The following LRRC2 variants were observed in gnomAD, a reference collection of about 807,000 sequenced individuals.
LRRC2 encodes the protein leucine rich repeat containing 2.
LRRC2 carries 27 observed loss-of-function variants against 40.2 expected under a neutral mutation model. The ratio of observed to expected loss-of-function variants is 0.67; its 90% CI spans 0.49 to 0.93. The LOEUF is 0.93. LRRC2 is among the 40% of genes least tolerant of loss of function. The pLI, the probability that LRRC2 is intolerant of heterozygous loss-of-function variation, is 0.00. For missense variants in LRRC2, 402 were observed against 439.6 expected (o/e 0.91, Z 0.76); for synonymous variants, 147 against 158.9 (o/e 0.92, Z 0.56).
At chr3:46,539,866 T>C (rs897052169) in intron 3 of LRRC2, among the ~76,000 whole-genome samples, 15 of 152,194 alleles carry the variant, frequency 9.9e-5, no homozygotes, top group African/African-American at 3.6e-4. Context: ...TTAAGGAGGC[T>C]ATTTGTCCAG....
chr3:46,519,932 AAGTGT>A (rs1703936318), intron 8 of LRRC2, among the ~76,000 whole-genome samples: 1 of 152,212 alleles, frequency 6.6e-6, no homozygotes, highest in Non-Finnish European at 1.5e-5. Context: ...AAACATTAAA[AAGTGT>A]CATTTCTGTA....
intron 8 of LRRC2, among the ~76,000 whole-genome samples, chr3:46,519,650 G>A (rs1243920383): frequency 1.3e-5 from 2 of 152,220 alleles, no homozygotes; most frequent in African/African-American, 4.8e-5. Flanking sequence ...GGTCAGAAGT[G>A]TACTTTCTCA....
chr3:46,545,771 CCTAT>C (rs762090122), intron 2 of LRRC2, among the ~76,000 whole-genome samples: 2 of 152,196 alleles, frequency 1.3e-5, no homozygotes, highest in Non-Finnish European at 2.9e-5. Context: ...AATTTTCTGA[CCTAT>C]CTTTTAGAGC....
intron 1 of LRRC2, among the ~76,000 whole-genome samples, chr3:46,562,977 C>A (rs1443260850): frequency 6.6e-6 from 1 of 152,090 alleles, no homozygotes; most frequent in Non-Finnish European, 1.5e-5. Flanking sequence ...CTGCCCGCCT[C>A]GGCATCCCAA....
At chr3:46,524,580 A>G (rs1249895586) in intron 7 of LRRC2, among the ~76,000 whole-genome samples, 1 of 152,146 alleles carries the variant, frequency 6.6e-6, no homozygotes, top group Non-Finnish European at 1.5e-5. Flanking sequence ...TTCATCAATG[A>G]CTGCTATTCT....
rs149845556 is a variant in LRRC2, at chr3:46,528,919, C to T, written c.773+986G>A. On this transcript the variant is annotated intron_variant, in intron 6 of 8. Transcript: ENST00000395905. ...TTGAGTCCAGGAATTCAAGACCAGC[C>T]TGGGTAATATAGCAAGACCTTGTCT... 4.6e-3 allele frequency among the ~76,000 whole-genome samples: 697 copies of T among 152,022 alleles called. 10 individuals are homozygous for T. Among genetic ancestry groups the T allele is most frequent in the African/African-American group, 0.016 (646 of 41,468 alleles).
intron 8 of LRRC2, among the ~76,000 whole-genome samples, chr3:46,519,915 T>C (rs888305105): frequency 6.6e-6 from 1 of 152,148 alleles, no homozygotes; most frequent in Non-Finnish European, 1.5e-5. Flanking sequence ...TGACCATATC[T>C]AGGTCGAAAC....
rs1431926793 is a variant in LRRC2 at position 46,558,236 on chromosome 3, C to T, written c.-19-6626G>A. ...CCTCCAGTGCCTTCTACTGAGAAAGCACAGCACTGCGCTCACTTTAAAGGG... is the reference window on the plus strand; with the variant it reads ...CCTCCAGTGCCTTCTACTGAGAAAGTACAGCACTGCGCTCACTTTAAAGGG... On this transcript the variant is annotated intron_variant, in intron 1 of 8. Transcript: ENST00000395905. 4 of 152,366 alleles carry T rather than the reference C, an allele frequency of 2.6e-5. No homozygotes were observed. The East Asian group carries it at 5.8e-4, about 22-fold the overall frequency. The allele number at this position is 152,366 out of a possible 1,614,324, so 9.4% of individuals were successfully genotyped here.
At chr3:46,550,305 G>C (rs1056448852) in intron 2 of LRRC2, among the ~76,000 whole-genome samples, 2 of 151,302 alleles carry the variant, frequency 1.3e-5, no homozygotes, top group Non-Finnish European at 2.9e-5. Context: ...GATCAGAATA[G>C]GTATTTGTTT....
At chr3:46,523,726 CCCATCTATCCAT>C (rs1488980155) in intron 7 of LRRC2, among the ~76,000 whole-genome samples, 6 of 151,892 alleles carry the variant, frequency 4.0e-5, no homozygotes, top group Admixed American at 1.3e-4. Context: ...CATCCATCTA[CCCATCTATCCAT>C]CCATCTATCC....
intron 4 of LRRC2, among the ~76,000 whole-genome samples, chr3:46,536,024 C>A (rs1704263027): frequency 6.6e-6 from 1 of 152,188 alleles, no homozygotes; most frequent in Admixed American, 6.5e-5. Flanking sequence ...ATCCTAGAGT[C>A]CACCTCCGCC....
chr3:46,556,637 G>A (rs1350730195), intron 1 of LRRC2, among the ~76,000 whole-genome samples: 4 of 143,260 alleles, frequency 2.8e-5, no homozygotes, highest in African/African-American at 7.8e-5. Context: ...GGAGTGCAGC[G>A]GCGTGATCTC....
rs34382739 is a variant in LRRC2 at position 46,554,641 on chromosome 3, T to TAAAAAAA, written c.-19-3038_-19-3032dup. The stretch of plus-strand genomic sequence containing the variant: ...TGGGAGACAGAGCAAGACTCTGTCT[T>TAAAAAAA]AAAAAAAAAAAAAAAAGAAGAAGAA... On this transcript the variant is annotated intron_variant, in intron 1 of 8. Coordinates refer to ENST00000395905, the MANE Select transcript of LRRC2 (RefSeq NM_024512.5). Among the ~76,000 whole-genome samples the TAAAAAAA allele has an allele frequency of 1.6e-4, 22 of 137,356 alleles. 1 individual carries two copies. The highest frequency in any genetic ancestry group is 4.8e-4 in the South Asian group (2 of 4,152). 90.1% of individuals were successfully genotyped at this position (137,356 alleles called of 152,430 possible).
At chr3:46,551,751 C>CTTTTTT (rs748541390) in intron 1 of LRRC2, 141 bp from the exon 2 acceptor site, 4 of 138,944 alleles carry the variant, frequency 2.9e-5, no homozygotes, top group South Asian at 2.4e-4. Flanking sequence ...TGACAGTTTG[C>CTTTTTT]TTTTTTTTTT....
At chr3:46,521,371 T>C (rs1477897550) in intron 8 of LRRC2, 151 bp downstream of exon 8, 1 of 562,568 alleles carries the variant, frequency 1.8e-6, no homozygotes, top group East Asian at 2.9e-5. Context: ...TCATTTGGAG[T>C]GTGTTGGAGG....
At chr3:46,563,096 A>G (rs2385855) in intron 1 of LRRC2, among the ~76,000 whole-genome samples, 59,914 of 146,108 alleles carry the variant, frequency 0.41, 12,180 homozygotes, top group East Asian at 0.69. Context: ...ACACACACAC[A>G]TGCATGCACA....
intron 7 of LRRC2, among the ~76,000 whole-genome samples, chr3:46,522,201 C>T (rs1426664886): frequency 6.6e-6 from 1 of 151,780 alleles, no homozygotes; most frequent in East Asian, 1.9e-4. Context: ...ATGGTGAAAC[C>T]CTGTCTCTAC....
chr3:46,558,422 A>G (rs1575363227), intron 1 of LRRC2: 1 of 152,298 alleles, frequency 6.6e-6, no homozygotes, highest in East Asian at 1.9e-4. Flanking sequence ...TGTGATCCCC[A>G]TGTCAGGTCT....
intron 6 of LRRC2, among the ~76,000 whole-genome samples, chr3:46,529,571 GAT>G (rs1176706328): frequency 6.6e-6 from 1 of 152,176 alleles, no homozygotes; most frequent in African/African-American, 2.4e-5. Flanking sequence ...AACATACAGT[GAT>G]ATGTTTCTAT....
Sources: allele counts gnomAD v4.1 joint callset (sites outside exome capture counted in the v4.1 genomes callset), GRCh38; gene constraint gnomAD v4.1.1; transcripts MANE v1.5; gene names NCBI Gene and HGNC (gene_info 2026-07-23, HGNC 2026-07-21).